The following CEP57L1 variants were observed in gnomAD, a reference collection of about 807,000 sequenced individuals.
CEP57L1 encodes the protein centrosomal protein CEP57L1.
A neutral mutation model predicts 61.0 loss-of-function variants in CEP57L1; 37 were observed. That is an observed-to-expected ratio of 0.61 (90% confidence interval 0.47 to 0.80). The LOEUF is 0.80. CEP57L1 is among the 30% of genes least tolerant of loss of function. The pLI, the probability that CEP57L1 is intolerant of heterozygous loss-of-function variation, is 0.00. For synonymous variants in CEP57L1, 137 were observed against 162.3 expected, an observed-to-expected ratio of 0.84 and a Z score of 1.19; for missense variants, 422 against 524.7, an observed-to-expected ratio of 0.80 and a Z score of 1.91.
chr6:109,146,866 A>G lies in CEP57L1; in HGVS notation c.269A>G (p.Tyr90Cys), dbSNP rs1256630490. ...LNILSREAAQ[Y>C]KKALENETNE... is the part of the protein sequence containing the mutation. ...ATTCTTTCCAGAGAAGCAGCACAGT[A>G]TAAGAAGGCCTTAGAGAATGAAACA... The change falls in exon 3 of 11, where the codon TAT becomes TGT. Residue 90 changes from tyrosine (Y) to cysteine (C), a missense_variant. Tyr to Cys is a radical substitution (Grantham distance 194). Transcript: ENST00000517392. 4.3e-6 allele frequency: 7 copies of G among 1,611,082 alleles called. No homozygotes were observed. The highest frequency in any genetic ancestry group is 2.2e-5 in the South Asian group (2 of 90,746).
chr6:109,106,613 T>G lies in CEP57L1; in HGVS notation c.-4+11038T>G, dbSNP rs866141475. ...AAGTATAGTAGTTTTTGCAAGGAAA[T>G]AAGGACTTTGGCTTTTTTAAAATTA... On this transcript the variant is annotated intron_variant, in intron 1 of 10. Coordinates refer to ENST00000517392, the MANE Select transcript of CEP57L1 (RefSeq NM_001271852.3). Among the ~76,000 whole-genome samples the G allele has an allele frequency of 2.6e-5, 4 of 152,230 alleles. 1 individual carries two copies. The highest frequency in any genetic ancestry group is 6.8e-3 in the Middle Eastern group (2 of 294).
intron 1 of CEP57L1, among the ~76,000 whole-genome samples, chr6:109,141,289 C>T (rs1296392490): frequency 3.3e-5 from 5 of 151,982 alleles, no homozygotes; most frequent in Non-Finnish European, 5.9e-5. Flanking sequence ...AATCTCGGCT[C>T]ACTGCAGCCT....
intron 1 of CEP57L1, among the ~76,000 whole-genome samples, chr6:109,134,799 A>T (rs998977090): frequency 4.6e-5 from 7 of 152,044 alleles, no homozygotes; most frequent in African/African-American, 1.7e-4. Flanking sequence ...ATCATGAGTG[A>T]ACTCCCATTC....
intron 4 of CEP57L1, among the ~76,000 whole-genome samples, chr6:109,153,231 C>CATTT (rs1242025865): frequency 2.5e-5 from 2 of 79,000 alleles, no homozygotes; most frequent in African/African-American, 9.0e-5. Flanking sequence ...CTAATCTGCA[C>CATTT]TTTTTTTTTT....
At chr6:109,104,369 A>T (rs1039715737) in intron 1 of CEP57L1, among the ~76,000 whole-genome samples, 1 of 152,142 alleles carries the variant, frequency 6.6e-6, no homozygotes, top group East Asian at 1.9e-4. Flanking sequence ...CATTATACAT[A>T]TGTCCAGATA....
chr6:109,100,560 A>G (rs1299170866), intron 1 of CEP57L1, among the ~76,000 whole-genome samples: 1 of 151,304 alleles, frequency 6.6e-6, no homozygotes, highest in Non-Finnish European at 1.5e-5. Flanking sequence ...CTGTAATTCC[A>G]GCTACTTGGG....
rs141674149 is a variant in CEP57L1, at chr6:109,155,850, C to A, written c.717C>A (p.His239Gln). Residue 239 changes from histidine (H) to glutamine (Q), a missense_variant, in exon 7 of 11, where the codon CAC becomes CAA. By Grantham distance (24) the His-to-Gln change is conservative. Transcript: ENST00000517392. The part of the protein sequence containing the change: ...IIMSSVSNLK[H>Q]SKEKKKSSKK... Reference sequence around the variant, plus strand: ...TGTCTTCAGTTTCAAATCTAAAGCACTCCAAGGAAAAGAAGAAATCTTCAA... The same window carrying A: ...TGTCTTCAGTTTCAAATCTAAAGCAATCCAAGGAAAAGAAGAAATCTTCAA... The A allele has an allele frequency of 1.9e-6, 3 of 1,586,072 alleles. No homozygotes were observed. Among genetic ancestry groups the A allele is most frequent in the Non-Finnish European group, 2.6e-6 (3 of 1,160,144 alleles).
intron 4 of CEP57L1, among the ~76,000 whole-genome samples, chr6:109,153,100 C>A (rs996977639): frequency 6.7e-6 from 1 of 148,302 alleles, no homozygotes; most frequent in Admixed American, 6.7e-5. Flanking sequence ...AACAGCAAGA[C>A]TCTGTCTCAA....
At chr6:109,110,038 C>G (rs765698667) in intron 1 of CEP57L1, among the ~76,000 whole-genome samples, 23 of 152,124 alleles carry the variant, frequency 1.5e-4, no homozygotes, top group Non-Finnish European at 3.4e-4. Context: ...GATTTATAAT[C>G]CTTTGGGTAT....
intron 1 of CEP57L1, among the ~76,000 whole-genome samples, chr6:109,100,465 A>G (rs1782242475): frequency 6.6e-6 from 1 of 152,072 alleles, no homozygotes; most frequent in Non-Finnish European, 1.5e-5. Flanking sequence ...ACTTGAGGTC[A>G]GGAGTTTGAG....
In CEP57L1 at chr6:109,101,617, T is replaced by C. The variant is rs976611368; in HGVS notation, c.-4+6042T>C. Among the ~76,000 whole-genome samples, 140 of 126,786 alleles carry C rather than the reference T, an allele frequency of 1.1e-3. 1 individual carries two copies. Among genetic ancestry groups the C allele is most frequent in the African/African-American group, 3.9e-3 (137 of 34,840 alleles). 83.2% of individuals were successfully genotyped at this position (126,786 alleles called of 152,430 possible). A position where few individuals can be genotyped will look rare whatever the true frequency, so the allele number is the denominator to read the frequency against. On this transcript the variant is annotated intron_variant, in intron 1 of 10. Transcript: ENST00000517392. ...AAACTCACAGCTGTTTTTCTTTTTC[T>C]TTTTTCTTTTTTTTTTTTTTTGAGA...
Position 109,155,322 on chromosome 6 carries a change from A to G in CEP57L1, c.657+15A>G, listed in dbSNP as rs1260180073. On this transcript the variant is annotated intron_variant, in intron 6 of 10. Coordinates refer to ENST00000517392, the MANE Select transcript of CEP57L1 (RefSeq NM_001271852.3). Reference sequence around the variant, plus strand: ...AAGCTTCTGAGGTAAATATAGCACTATATAATCTATCACAGTAAACCATAT... The same window carrying G: ...AAGCTTCTGAGGTAAATATAGCACTGTATAATCTATCACAGTAAACCATAT... 2.2e-6 allele frequency: 3 copies of G among 1,368,172 alleles called. No individual in the cohort carries two copies. The highest frequency in any genetic ancestry group is 2.9e-5 in the African/African-American group (2 of 67,838). The allele number at this position is 1,368,172 out of a possible 1,614,324, so 84.8% of individuals were successfully genotyped here.
At position 109,150,308 on chromosome 6, in the gene CEP57L1, G is replaced by A. The variant is rs72937084; in HGVS notation, c.462+69G>A. 6.8e-3 allele frequency: 10,461 copies of A among 1,541,356 alleles called. 46 individuals are homozygous for A. Among genetic ancestry groups the A allele is most frequent in the Non-Finnish European group, 8.4e-3 (9,522 of 1,128,754 alleles). On this transcript the variant is annotated intron_variant, in intron 4 of 10. Transcript: ENST00000517392. ...TTTTTGAAGAATATTTTAATTTCAC[G>A]GGAAAATTCAAAGGCAAAGGTGGCA...
chr6:109,157,051 T>G (rs1773288808), intron 7 of CEP57L1: 1 of 152,106 alleles, frequency 6.6e-6, no homozygotes, highest in African/African-American at 2.4e-5. Flanking sequence ...ATGGAACTTT[T>G]TTCAGTTTAC....
intron 1 of CEP57L1, among the ~76,000 whole-genome samples, chr6:109,108,811 CAAG>C (rs1190180743): frequency 6.6e-6 from 1 of 152,116 alleles, no homozygotes; most frequent in African/African-American, 2.4e-5. Flanking sequence ...ATTATATTAA[CAAG>C]AAGATGTTAT....
At chr6:109,120,155 A>G (rs1448773936) in intron 1 of CEP57L1, among the ~76,000 whole-genome samples, 1 of 152,190 alleles carries the variant, frequency 6.6e-6, no homozygotes, top group Non-Finnish European at 1.5e-5. Flanking sequence ...AACGTTTAAG[A>G]AACCTACTGC....
rs2114980808 is a variant in CEP57L1 at position 109,165,731 on chromosome 6, A to T, written c.*2761A>T. 6.6e-6 allele frequency: 1 copy of T among 152,350 alleles called. No homozygotes were observed. The highest frequency in any genetic ancestry group is 1.9e-4 in the East Asian group (1 of 5,182). The allele number at this position is 152,350 out of a possible 1,614,324, so 9.4% of individuals were successfully genotyped here. On this transcript the variant is annotated 3_prime_UTR_variant, in exon 11 of 11. Transcript: ENST00000517392. ...GAATGGTGTCTTGTTGCTTCATCAC[A>T]GCTACTGAACTCACAGACTGCCTGC...
chr6:109,101,203 C>A (rs1782357565), intron 1 of CEP57L1, among the ~76,000 whole-genome samples: 1 of 152,180 alleles, frequency 6.6e-6, no homozygotes, highest in African/African-American at 2.4e-5. Context: ...AGTAAATTTT[C>A]ACAGTTACAT....
intron 4 of CEP57L1, among the ~76,000 whole-genome samples, chr6:109,151,144 G>A (rs1772571049): frequency 6.6e-6 from 1 of 152,156 alleles, no homozygotes; most frequent in African/African-American, 2.4e-5. Context: ...AGTTTAAAGT[G>A]TTCTAATATC....
Sources: gnomAD v4.1 joint callset for allele counts (sites outside exome capture counted in the v4.1 genomes callset) on GRCh38, gnomAD v4.1.1 for gene constraint, MANE v1.5 for transcripts, NCBI Gene and HGNC (gene_info 2026-07-23, HGNC 2026-07-21) for gene names.